The following ADAMTS18 variants were observed in gnomAD, a reference collection of about 807,000 sequenced individuals.
ADAMTS18 encodes the protein A disintegrin and metalloproteinase with thrombospondin motifs 18.
ADAMTS18 carries 157 observed loss-of-function variants against 165.9 expected under a neutral mutation model. That is an observed-to-expected ratio of 0.95 (90% CI 0.83 to 1.08). The LOEUF (loss-of-function observed/expected upper bound fraction) is 1.08. Among genes scored for constraint, ADAMTS18 ranks in the 50% least tolerant of loss-of-function variants. ADAMTS18 has a pLI of 0.00. For synonymous variants in ADAMTS18, 782 were observed against 578.2 expected, an observed-to-expected ratio of 1.35 and a Z score of -5.06; for missense variants, 2,040 against 1,534.0, an observed-to-expected ratio of 1.33 and a Z score of -5.51.
intron 17 of ADAMTS18, 32 bp downstream of exon 17, chr16:77,300,231 G>A (rs1237020173): frequency 6.2e-7 from 1 of 1,613,544 alleles, no homozygotes; most frequent in African/African-American, 1.3e-5. Context: ...AAGAGAGACA[G>A]ACTTTGGAGA....
intron 3 of ADAMTS18, among the ~76,000 whole-genome samples, chr16:77,396,706 A>T (rs373769254): frequency 2.0e-5 from 3 of 152,304 alleles, no homozygotes; most frequent in East Asian, 3.9e-4. Context: ...AAACACAGAG[A>T]CCAGGTGAAT....
At position 77,392,029 on chromosome 16, in the gene ADAMTS18, A is replaced by G. The variant is rs557168553; in HGVS notation, c.496-24306T>C. Among the ~76,000 whole-genome samples the G allele has an allele frequency of 2.0e-5, 3 of 152,214 alleles. No homozygotes were observed. The South Asian group carries it at 6.2e-4, about 32-fold the overall frequency. ...AGTATCAGAAAAACAGTCTCTCCAC[A>G]TTGAAGACGCCCAGTCATTGTGCAG... On this transcript the variant is annotated intron_variant, in intron 3 of 22. Transcript: ENST00000282849.
intron 3 of ADAMTS18, among the ~76,000 whole-genome samples, chr16:77,422,256 C>A (rs1235333020): frequency 2.6e-5 from 4 of 152,026 alleles, no homozygotes; most frequent in Admixed American, 2.0e-4. Flanking sequence ...AAGCTCTCAG[C>A]CCCACATACT....
chr16:77,430,410 A>G (rs2144866146), intron 3 of ADAMTS18, among the ~76,000 whole-genome samples: 1 of 152,340 alleles, frequency 6.6e-6, no homozygotes. Context: ...ACCCGTACCC[A>G]AGCCACCCCT....
At chr16:77,307,841 G>A (rs568019604) in intron 16 of ADAMTS18, among the ~76,000 whole-genome samples, 44 of 152,220 alleles carry the variant, frequency 2.9e-4, no homozygotes, top group Non-Finnish European at 5.7e-4. Flanking sequence ...GGAGAATTCA[G>A]CAGGCAGGGT....
intron 3 of ADAMTS18, among the ~76,000 whole-genome samples, chr16:77,382,231 G>C (rs2057041629): frequency 6.6e-6 from 1 of 151,670 alleles, no homozygotes; most frequent in South Asian, 2.1e-4. Context: ...TTGTTTTTTT[G>C]AGACAGAGTC....
intron 3 of ADAMTS18, among the ~76,000 whole-genome samples, chr16:77,415,153 A>T (rs2144836531): frequency 6.6e-6 from 1 of 152,352 alleles, no homozygotes; most frequent in Admixed American, 6.5e-5. Context: ...ATAAATGTTG[A>T]TTCATGAAGT....
chr16:77,422,798 C>A (rs1052961649), intron 3 of ADAMTS18, among the ~76,000 whole-genome samples: 1 of 152,150 alleles, frequency 6.6e-6, no homozygotes, highest in Non-Finnish European at 1.5e-5. Context: ...AGAACAATCT[C>A]TACATTTTGA....
At chr16:77,420,083 C>T (rs905856859) in intron 3 of ADAMTS18, among the ~76,000 whole-genome samples, 1 of 149,376 alleles carries the variant, frequency 6.7e-6, no homozygotes, top group Non-Finnish European at 1.5e-5. Flanking sequence ...CCCTTCGAAG[C>T]CTTTTTTTCT....
intron 3 of ADAMTS18, among the ~76,000 whole-genome samples, chr16:77,422,876 G>C (rs1013680477): frequency 6.6e-6 from 1 of 152,154 alleles, no homozygotes; most frequent in East Asian, 1.9e-4. Context: ...TGCATTGACA[G>C]TCACACTTAC....
intron 16 of ADAMTS18, among the ~76,000 whole-genome samples, chr16:77,319,171 C>T (rs1172428966): frequency 6.6e-6 from 1 of 152,104 alleles, no homozygotes; most frequent in Non-Finnish European, 1.5e-5. Context: ...CTACTATTAA[C>T]CCCTTCTCCT....
intron 3 of ADAMTS18, among the ~76,000 whole-genome samples, chr16:77,374,635 C>G (rs979810306): frequency 3.3e-5 from 5 of 152,216 alleles, no homozygotes; most frequent in Non-Finnish European, 7.3e-5. Flanking sequence ...ATATCAAAGG[C>G]TTAAGCCACT....
intron 3 of ADAMTS18, among the ~76,000 whole-genome samples, chr16:77,371,218 TAAAAAC>T (rs139311207): frequency 0.12 from 18,233 of 149,582 alleles, 1,160 homozygotes; most frequent in East Asian, 0.25. Context: ...CTGACTCAAT[TAAAAAC>T]AAAAACAAAA....
intron 3 of ADAMTS18, among the ~76,000 whole-genome samples, chr16:77,374,152 C>T (rs1321117885): frequency 6.6e-6 from 1 of 150,408 alleles, no homozygotes; most frequent in Non-Finnish European, 1.5e-5. Context: ...CCAGGAGGAG[C>T]AGTTTGCAGC....
At chr16:77,416,859 G>A (rs977946296) in intron 3 of ADAMTS18, among the ~76,000 whole-genome samples, 5 of 152,188 alleles carry the variant, frequency 3.3e-5, no homozygotes, top group Non-Finnish European at 7.3e-5. Context: ...CCAGGTGAGA[G>A]ATGAGAATGA....
chr16:77,292,465 A>C (rs1260653415), intron 20 of ADAMTS18, among the ~76,000 whole-genome samples: 2 of 152,136 alleles, frequency 1.3e-5, no homozygotes, highest in Non-Finnish European at 2.9e-5. Context: ...CCTTGCCCCA[A>C]ATCCCCTTTT....
intron 17 of ADAMTS18, among the ~76,000 whole-genome samples, chr16:77,298,858 A>G (rs568480998): frequency 1.3e-5 from 2 of 152,324 alleles, no homozygotes; most frequent in Non-Finnish European, 2.9e-5. Context: ...AATAGGACTT[A>G]TTCATCTGAA....
At chr16:77,413,916 T>C (rs1035168614) in intron 3 of ADAMTS18, among the ~76,000 whole-genome samples, 1 of 152,150 alleles carries the variant, frequency 6.6e-6, no homozygotes, top group Admixed American at 6.6e-5. Flanking sequence ...GCCTATTTCA[T>C]TTATCTTCAA....
In ADAMTS18 at chr16:77,294,957, C is replaced by T. The variant is rs2144577136; in HGVS notation, c.2972G>A (p.Cys991Tyr). ...GGGTCCAAGGCTCCATTGTGGAGGG[C>T]AGGCATGGCTGTTGCAGGCTTGGAC... ...TQVQACNSHACPPQWSLGPWS... is the reference protein window; with the variant it reads ...TQVQACNSHAYPPQWSLGPWS... Residue 991 changes from cysteine to tyrosine, a missense_variant, in exon 19 of 23, where the codon TGC becomes TAC. Physicochemically the swap from Cys to Tyr is radical, Grantham distance 194 (BLOSUM62 -2). Coordinates refer to ENST00000282849, the MANE Select transcript of ADAMTS18 (RefSeq NM_199355.4). The T allele has an allele frequency of 6.2e-7, 1 of 1,614,170 alleles. No individual in the cohort carries two copies. Among genetic ancestry groups the T allele is most frequent in the Admixed American group, 1.7e-5 (1 of 60,016 alleles).
Sources: gnomAD v4.1 joint callset for allele counts (sites outside exome capture counted in the v4.1 genomes callset) on GRCh38, gnomAD v4.1.1 for gene constraint, MANE v1.5 for transcripts, NCBI Gene and HGNC (gene_info 2026-07-23, HGNC 2026-07-21) for gene names.